The following APBB2 variants were observed in gnomAD, a reference collection of about 807,000 sequenced individuals.
APBB2 encodes amyloid beta precursor protein binding family B member 2.
APBB2 carries 38 observed loss-of-function variants against 82.5 expected under a neutral mutation model. The ratio of observed to expected loss-of-function variants is 0.46; its 90% CI spans 0.36 to 0.60. The LOEUF (loss-of-function observed/expected upper bound fraction) is 0.60. Among genes scored for constraint, APBB2 ranks in the 20% least tolerant of loss-of-function variants. The probability of loss-of-function intolerance (pLI) is 0.00; values close to 1 mark genes in which losing one functional copy is unlikely to be tolerated. For synonymous variants in APBB2, 341 were observed against 368.2 expected (o/e 0.93, Z 0.85); for missense variants, 772 against 972.3 (o/e 0.79, Z 2.74).
rs182762015 is a variant in APBB2 at position 40,982,598 on chromosome 4, G to A, written c.835+30985C>T. Among the ~76,000 whole-genome samples, 304 of 151,644 alleles carry A rather than the reference G, an allele frequency of 2.0e-3. 1 individual carries two copies. The highest frequency in any genetic ancestry group is 8.2e-4 in the Non-Finnish European group (56 of 67,894). Reference sequence around the variant, plus strand: ...AGCCTGGGGACCACAGTGAAACCCCGTCTCTACCAAAAATACAAAAATTAG... The same window carrying A: ...AGCCTGGGGACCACAGTGAAACCCCATCTCTACCAAAAATACAAAAATTAG... On this transcript the variant is annotated intron_variant, in intron 6 of 17. Transcript: ENST00000508593.
intron 13 of APBB2, among the ~76,000 whole-genome samples, chr4:40,829,383 G>A (rs1751073476): frequency 6.6e-6 from 1 of 152,216 alleles, no homozygotes; most frequent in Non-Finnish European, 1.5e-5. Context: ...GGTGGATCTG[G>A]AGAGGGAGGA....
chr4:41,086,893 T>G (rs916030699), intron 3 of APBB2, among the ~76,000 whole-genome samples: 3 of 149,792 alleles, frequency 2.0e-5, no homozygotes, highest in Admixed American at 6.8e-5. Flanking sequence ...GATGACATAA[T>G]CTCATGGGTA....
intron 12 of APBB2, among the ~76,000 whole-genome samples, chr4:40,858,589 G>A (rs1762030422): frequency 6.6e-6 from 1 of 152,034 alleles, no homozygotes; most frequent in Non-Finnish European, 1.5e-5. Context: ...GGAAAATCAA[G>A]GGAGTATTTA....
At chr4:41,064,009 T>C (rs889162981) in intron 4 of APBB2, among the ~76,000 whole-genome samples, 2 of 122,968 alleles carry the variant, frequency 1.6e-5, no homozygotes, top group African/African-American at 6.4e-5. Flanking sequence ...CAGGCTGGAG[T>C]GCTGTGTCGC....
At chr4:41,178,966 T>A (rs1286713354) in intron 1 of APBB2, among the ~76,000 whole-genome samples, 1 of 152,228 alleles carries the variant, frequency 6.6e-6, no homozygotes, top group Non-Finnish European at 1.5e-5. Context: ...TTTCCTACTT[T>A]TCATTCATTA....
intron 4 of APBB2, among the ~76,000 whole-genome samples, chr4:41,039,287 C>A (rs1215758531): frequency 1.3e-5 from 2 of 152,166 alleles, no homozygotes; most frequent in Non-Finnish European, 2.9e-5. Flanking sequence ...AAGTAGTGGA[C>A]CCCTTCCACA....
At chr4:41,207,194 G>A (rs1252784039) in intron 1 of APBB2, among the ~76,000 whole-genome samples, 3 of 73,422 alleles carry the variant, frequency 4.1e-5, no homozygotes, top group African/African-American at 5.2e-5. Context: ...GTGAGACTCC[G>A]TCTCAAAAAA....
At chr4:40,886,804 C>T (rs1413014071) in intron 12 of APBB2, among the ~76,000 whole-genome samples, 1 of 152,212 alleles carries the variant, frequency 6.6e-6, no homozygotes, top group African/African-American at 2.4e-5. Context: ...GCAAAGCAGG[C>T]CAACCTGGGT....
intron 3 of APBB2, among the ~76,000 whole-genome samples, chr4:41,069,648 G>A (rs16852784): frequency 0.063 from 9,533 of 152,234 alleles, 349 homozygotes; most frequent in Middle Eastern, 0.13. Context: ...CTGTATCCTC[G>A]GGGCATAGGA....
chr4:40,837,837 G>A (rs1754492888), intron 12 of APBB2, among the ~76,000 whole-genome samples: 1 of 152,148 alleles, frequency 6.6e-6, no homozygotes, highest in South Asian at 2.1e-4. Context: ...GCTAGTACCA[G>A]GAATCAAGTA....
In APBB2 at chr4:40,844,706, C is replaced by T. The variant is rs1757000383; in HGVS notation, c.1530-14129G>A. On this transcript the variant is annotated intron_variant, in intron 12 of 17. Coordinates refer to ENST00000508593, the MANE Select transcript of APBB2 (RefSeq NM_004307.2). ...AGGACCCAGAGACCTGGATGCTGGT[C>T]CCAGTCTGAATCCACAGCTGGGTAA... 2.0e-5 allele frequency among the ~76,000 whole-genome samples: 3 copies of T among 152,298 alleles called. No homozygotes were observed. In the South Asian group the frequency reaches 6.2e-4, roughly 32 times the overall value.
At chr4:40,843,642 C>A (rs1756634580) in intron 12 of APBB2, among the ~76,000 whole-genome samples, 1 of 152,212 alleles carries the variant, frequency 6.6e-6, no homozygotes, top group Non-Finnish European at 1.5e-5. Context: ...ATGCAAATAT[C>A]TACCTCAGTA....
In APBB2 at chr4:40,812,575, T is replaced by C. The variant is rs1744626264; in HGVS notation, c.*3517A>G. 1 of 151,964 alleles carries C rather than the reference T, an allele frequency of 6.6e-6. No individual in the cohort carries two copies. Among genetic ancestry groups the C allele is most frequent in the Middle Eastern group, 3.4e-3 (1 of 294 alleles). The allele number at this position is 151,964 out of a possible 1,614,324, so 9.4% of individuals were successfully genotyped here. A position where few individuals can be genotyped will look rare whatever the true frequency, so the allele number is the denominator to read the frequency against. On this transcript the variant is annotated 3_prime_UTR_variant, in exon 18 of 18. Transcript: ENST00000508593. ...AGAGCGAAGGGGCTTATTAGTTAAATTGTGCTAATATCAGTTAGGAAAATG... is the reference window on the plus strand; with the variant it reads ...AGAGCGAAGGGGCTTATTAGTTAAACTGTGCTAATATCAGTTAGGAAAATG...
At position 40,861,744 on chromosome 4, in the gene APBB2, C is replaced by T. The variant is rs553316567; in HGVS notation, c.1529+28620G>A. On this transcript the variant is annotated intron_variant, in intron 12 of 17. Transcript: ENST00000508593. ...ATGTGTGAAATTCTGGTACATATTA[C>T]AGCTAATTCTCTGATAAATATGGTA... Among the ~76,000 whole-genome samples the T allele has an allele frequency of 1.4e-4, 21 of 152,278 alleles. No individual in the cohort carries two copies. In the East Asian group the frequency reaches 2.3e-3, roughly 17 times the overall value.
At chr4:41,043,881 T>A (rs1366961655) in intron 4 of APBB2, among the ~76,000 whole-genome samples, 1 of 152,196 alleles carries the variant, frequency 6.6e-6, no homozygotes, top group East Asian at 1.9e-4. Flanking sequence ...AGTTATGGAG[T>A]TTCCACAGTA....
At chr4:40,993,997 C>T (rs1399627840) in intron 6 of APBB2, among the ~76,000 whole-genome samples, 1 of 152,074 alleles carries the variant, frequency 6.6e-6, no homozygotes, top group East Asian at 1.9e-4. Context: ...TTTAAAGAAA[C>T]ACCTAGGAGA....
chr4:40,997,718 AATG>A (rs1804022533), intron 6 of APBB2, among the ~76,000 whole-genome samples: 1 of 152,198 alleles, frequency 6.6e-6, no homozygotes, highest in African/African-American at 2.4e-5. Context: ...ACAAAAAATA[AATG>A]ATAACATTGC....
intron 6 of APBB2, among the ~76,000 whole-genome samples, chr4:40,974,232 A>G (rs1261507066): frequency 6.6e-6 from 1 of 152,198 alleles, no homozygotes; most frequent in Admixed American, 6.5e-5. Context: ...TTACAGGTGC[A>G]ATGACTCTCT....
intron 6 of APBB2, among the ~76,000 whole-genome samples, chr4:40,989,834 T>C: frequency 6.6e-6 from 1 of 152,178 alleles, no homozygotes; most frequent in Non-Finnish European, 1.5e-5. Context: ...AAACCAGACT[T>C]CCTAATCCAA....
Sources: allele counts gnomAD v4.1 joint callset (sites outside exome capture counted in the v4.1 genomes callset), GRCh38; gene constraint gnomAD v4.1.1; transcripts MANE v1.5; gene names NCBI Gene and HGNC (gene_info 2026-07-23, HGNC 2026-07-21).